Variants in ARHGAP25 observed in about 807,000 individuals in gnomAD.
ARHGAP25 encodes rho GTPase-activating protein 25.
ARHGAP25 carries 34 observed loss-of-function variants against 71.0 expected under a neutral mutation model. The observed-to-expected ratio is 0.48, with a 90% CI of 0.36 to 0.64. The LOEUF (loss-of-function observed/expected upper bound fraction) is 0.64, where lower values mean the gene tolerates loss of function less well. ARHGAP25 is among the 30% of genes least tolerant of loss of function. The pLI, the probability that ARHGAP25 is intolerant of heterozygous loss-of-function variation, is 0.00. For synonymous variants in ARHGAP25, 282 were observed against 296.5 expected (o/e 0.95, Z 0.50); for missense variants, 706 against 805.1 (o/e 0.88, Z 1.49).
chr2:68,717,591 G>A (rs751096709), intron 2 of ARHGAP25, among the ~76,000 whole-genome samples: 3 of 152,244 alleles, frequency 2.0e-5, no homozygotes, highest in Non-Finnish European at 4.4e-5. Context: ...AAAGGTCTGA[G>A]CTGTGAGCAA....
At chr2:68,730,392 C>T (rs1674986808), upstream of ARHGAP25, among the ~76,000 whole-genome samples, 2 of 152,154 alleles carry the variant, frequency 1.3e-5, no homozygotes, top group Admixed American at 1.3e-4. Context: ...TGTCTGTAAT[C>T]TCAGCACTTT....
At chr2:68,811,799 C>A (rs1344554387) in intron 5 of ARHGAP25, among the ~76,000 whole-genome samples, 1 of 152,132 alleles carries the variant, frequency 6.6e-6, no homozygotes, top group African/African-American at 2.4e-5. Context: ...CCAGATCCAC[C>A]CCTCCCTTCC....
chr2:68,754,182 C>T (rs1488357233), intron 1 of ARHGAP25, among the ~76,000 whole-genome samples: 6 of 152,112 alleles, frequency 3.9e-5, no homozygotes, highest in African/African-American at 2.4e-5. Context: ...CATACAGCCA[C>T]GTAACAACCA....
At chr2:68,820,319 A>C (rs1223314653) in intron 9 of ARHGAP25, among the ~76,000 whole-genome samples, 1 of 152,198 alleles carries the variant, frequency 6.6e-6, no homozygotes, top group East Asian at 1.9e-4. Flanking sequence ...CTCATATTAC[A>C]TAACATTGTA....
At chr2:68,807,563 C>T (rs1680466110) in intron 5 of ARHGAP25, 83 bp downstream of exon 5, 1 of 1,377,010 alleles carries the variant, frequency 7.3e-7, no homozygotes, top group Non-Finnish European at 1.0e-6. Flanking sequence ...TCCAGTTGAG[C>T]TATGGGACTT....
At chr2:68,723,588 CTGTGCG>C (rs1674814747) in intron 2 of ARHGAP25, among the ~76,000 whole-genome samples, 1 of 152,206 alleles carries the variant, frequency 6.6e-6, no homozygotes, top group Non-Finnish European at 1.5e-5. Context: ...GCTGTCTTTT[CTGTGCG>C]GCACAGTCCC....
intron 1 of ARHGAP25, among the ~76,000 whole-genome samples, chr2:68,766,909 C>T (rs1305666182): frequency 4.6e-5 from 7 of 152,166 alleles, no homozygotes; most frequent in Non-Finnish European, 1.0e-4. Context: ...GTTATTGGTG[C>T]CAAGCCCCTT....
chr2:68,766,363 C>G (rs1252741164), intron 1 of ARHGAP25, among the ~76,000 whole-genome samples: 1 of 152,300 alleles, frequency 6.6e-6, no homozygotes, highest in East Asian at 1.9e-4. Flanking sequence ...TGCCAAATCT[C>G]CACTTTGCCT....
intron 7 of ARHGAP25, among the ~76,000 whole-genome samples, chr2:68,817,368 C>A (rs1389675778): frequency 6.6e-6 from 1 of 152,088 alleles, no homozygotes; most frequent in Non-Finnish European, 1.5e-5. Flanking sequence ...AACAAAAATT[C>A]AGTATTAGTT....
intron 2 of ARHGAP25, among the ~76,000 whole-genome samples, chr2:68,776,568 C>T (rs561443164): frequency 6.6e-6 from 1 of 152,262 alleles, no homozygotes; most frequent in Non-Finnish European, 1.5e-5. Context: ...TGAGAATGGG[C>T]TTTAATCCTA....
At chr2:68,769,498 C>T (rs1420201631) in intron 1 of ARHGAP25, among the ~76,000 whole-genome samples, 1 of 152,160 alleles carries the variant, frequency 6.6e-6, no homozygotes, top group Non-Finnish European at 1.5e-5. Flanking sequence ...GCTACTTTCT[C>T]CTTCCTTCTC....
Position 68,826,149 on chromosome 2 carries a change from C to T in ARHGAP25, c.1896C>T (p.Val632=), listed in dbSNP as rs746629691. The T allele has an allele frequency of 2.5e-6, 4 of 1,614,132 alleles. No homozygotes were observed. Among genetic ancestry groups the T allele is most frequent in the Non-Finnish European group, 2.5e-6 (3 of 1,180,020 alleles). The part of the protein sequence containing the change: ...EKRNKALEEE[V]KEFVKSMKEP... ...GGAACAAGGCCTTGGAAGAAGAAGT[C>T]AAGGAATTTGTCAAATCCATGAAGG... The change falls in exon 11 of 11, where the codon GTC becomes GTT. Residue 632 remains valine (V), a synonymous_variant. Transcript: ENST00000409202.
intron 2 of ARHGAP25, 120 bp downstream of exon 2, chr2:68,775,540 A>G: frequency 6.8e-7 from 1 of 1,479,260 alleles, no homozygotes; most frequent in Admixed American, 1.9e-5. Context: ...CCCATTGGAA[A>G]GGAAATTGCT....
intron 4 of ARHGAP25, among the ~76,000 whole-genome samples, chr2:68,804,700 C>T (rs1273004025): frequency 1.3e-5 from 2 of 152,188 alleles, no homozygotes; most frequent in Non-Finnish European, 1.5e-5. Flanking sequence ...TGGCAGGGCA[C>T]TCAATGCATG....
At chr2:68,812,055 G>A (rs1292559418) in intron 5 of ARHGAP25, among the ~76,000 whole-genome samples, 3 of 152,168 alleles carry the variant, frequency 2.0e-5, no homozygotes, top group Non-Finnish European at 2.9e-5. Flanking sequence ...CAATGCAATC[G>A]CCTTGTAAGC....
intron 2 of ARHGAP25, among the ~76,000 whole-genome samples, chr2:68,721,910 C>T (rs1463823714): frequency 6.6e-6 from 1 of 152,208 alleles, no homozygotes; most frequent in Non-Finnish European, 1.5e-5. Flanking sequence ...ACACCACTTC[C>T]TCTCACCCAG....
At chr2:68,712,983 G>T (rs1674523144) in intron 2 of ARHGAP25, among the ~76,000 whole-genome samples, 1 of 152,162 alleles carries the variant, frequency 6.6e-6, no homozygotes. Context: ...GATTGTCTGG[G>T]CTATACAGGC....
chr2:68,775,682 G>A (rs1029833779), intron 2 of ARHGAP25: 16 of 623,280 alleles, frequency 2.6e-5, no homozygotes, highest in Middle Eastern at 2.5e-4. Flanking sequence ...GCAACAGGGC[G>A]GTGATGGTAG....
At chr2:68,821,929 G>A (rs1365213215) in intron 9 of ARHGAP25, among the ~76,000 whole-genome samples, 1 of 45,400 alleles carries the variant, frequency 2.2e-5, no homozygotes, top group African/African-American at 9.0e-5. Context: ...TTTTTTTTTT[G>A]GTTTGGCATG....
Sources: gnomAD v4.1 joint callset for allele counts (sites outside exome capture counted in the v4.1 genomes callset) on GRCh38, gnomAD v4.1.1 for gene constraint, MANE v1.5 for transcripts, NCBI Gene and HGNC (gene_info 2026-07-23, HGNC 2026-07-21) for gene names.